Variants in LRFN5 observed in about 807,000 individuals in gnomAD.
LRFN5 encodes leucine rich repeat and fibronectin type III domain containing 5.
A neutral mutation model predicts 45.6 loss-of-function variants in LRFN5; 24 were observed. The ratio of observed to expected loss-of-function variants is 0.53; its 90% CI spans 0.38 to 0.74. LRFN5 has a LOEUF of 0.74. Among genes scored for constraint, LRFN5 ranks in the 30% least tolerant of loss-of-function variants. The pLI, the probability that LRFN5 is intolerant of heterozygous loss-of-function variation, is 0.00. For missense variants in LRFN5, 776 were observed against 861.5 expected, an observed-to-expected ratio of 0.90 and a Z score of 1.24; for synonymous variants, 340 against 313.8, an observed-to-expected ratio of 1.08 and a Z score of -0.88.
At chr14:41,820,714 A>T (rs1888084509) in intron 2 of LRFN5, among the ~76,000 whole-genome samples, 1 of 151,898 alleles carries the variant, frequency 6.6e-6, no homozygotes, top group Admixed American at 6.6e-5. Flanking sequence ...TGGTTAGCAT[A>T]TTCATCTTAA....
chr14:41,893,057 C>A, intron 4 of LRFN5: 1 of 982,026 alleles, frequency 1.0e-6, no homozygotes, highest in Non-Finnish European at 1.2e-6. Context: ...GCTCATTAAG[C>A]AGATAGTGGA....
At chr14:41,741,603 T>A (rs1884695073) in intron 1 of LRFN5, among the ~76,000 whole-genome samples, 1 of 150,974 alleles carries the variant, frequency 6.6e-6, no homozygotes. Context: ...TAGAAGAAAA[T>A]GTAGGGTAAA....
intron 1 of LRFN5, among the ~76,000 whole-genome samples, chr14:41,684,585 T>C (rs1287323548): frequency 6.6e-6 from 1 of 152,166 alleles, no homozygotes; most frequent in Non-Finnish European, 1.5e-5. Flanking sequence ...GTGGGGATTA[T>C]GGGGATTACA....
At chr14:41,673,567 A>G (rs1378239800) in intron 1 of LRFN5, among the ~76,000 whole-genome samples, 200 of 109,744 alleles carry the variant, frequency 1.8e-3, no homozygotes, top group Middle Eastern at 7.2e-3. Flanking sequence ...CTGGCCGGGC[A>G]GGGGGTGACC....
chr14:41,711,649 T>C (rs1223595530), intron 1 of LRFN5, among the ~76,000 whole-genome samples: 1 of 152,198 alleles, frequency 6.6e-6, no homozygotes, highest in Admixed American at 6.5e-5. Flanking sequence ...AATGGATAGC[T>C]TGCAGAAGCA....
At chr14:41,649,559 A>G (rs886456719) in intron 1 of LRFN5, among the ~76,000 whole-genome samples, 1 of 152,116 alleles carries the variant, frequency 6.6e-6, no homozygotes, top group Non-Finnish European at 1.5e-5. Flanking sequence ...TGTGCACTTC[A>G]TTATAAAATC....
At chr14:41,692,683 G>T (rs1882432739) in intron 1 of LRFN5, among the ~76,000 whole-genome samples, 2 of 152,016 alleles carry the variant, frequency 1.3e-5, no homozygotes, top group Non-Finnish European at 2.9e-5. Context: ...TTTTGTCCTT[G>T]CGATAATTTG....
chr14:41,711,103 C>G (rs1883264883), intron 1 of LRFN5, among the ~76,000 whole-genome samples: 1 of 152,032 alleles, frequency 6.6e-6, no homozygotes, highest in South Asian at 2.1e-4. Flanking sequence ...ATGAGTTTCT[C>G]TCTGTCAAGA....
intron 2 of LRFN5, among the ~76,000 whole-genome samples, chr14:41,822,246 T>G (rs1476659457): frequency 2.0e-5 from 3 of 152,038 alleles, no homozygotes; most frequent in Non-Finnish European, 4.4e-5. Flanking sequence ...AGGTGTAATG[T>G]GAACTTGTTG....
chr14:41,878,958 T>C (rs1433274105), intron 2 of LRFN5, among the ~76,000 whole-genome samples: 1 of 152,114 alleles, frequency 6.6e-6, no homozygotes, highest in African/African-American at 2.4e-5. Context: ...CCTCGTATTT[T>C]TAAATAAACT....
chr14:41,887,858 T>C lies in LRFN5; in HGVS notation c.1233T>C (p.Asn411=). 5 of 1,614,050 alleles carry C rather than the reference T, an allele frequency of 3.1e-6. No homozygotes were observed. Among genetic ancestry groups the C allele is most frequent in the Non-Finnish European group, 4.2e-6 (5 of 1,179,998 alleles). The change falls in exon 3 of 6, where the codon AAT becomes AAC. Residue 411 remains asparagine (N), a synonymous_variant. Transcript: ENST00000298119. This position sits in a 1 kb window ranked among gnomAD's most constrained non-coding sequence, Gnocchi z 4.8. ...TKSGSNTSSS[N]GDTKLSQDKI... is the part of the protein sequence containing the mutation. ...CAGGTTCTAATACAAGCAGTAGTAA[T>C]GGTGATACTAAATTGAGTCAAGATA...
intron 2 of LRFN5, among the ~76,000 whole-genome samples, chr14:41,784,992 A>G (rs902523204): frequency 7.2e-5 from 11 of 152,138 alleles, no homozygotes; most frequent in Non-Finnish European, 1.0e-4. Context: ...AGACACTGAC[A>G]TATTGATAAT....
At chr14:41,817,358 CATG>C (rs1219933366) in intron 2 of LRFN5, among the ~76,000 whole-genome samples, 1 of 151,910 alleles carries the variant, frequency 6.6e-6, no homozygotes, top group African/African-American at 2.4e-5. Flanking sequence ...GATAACTGGA[CATG>C]ATGTGCTAGG....
chr14:41,885,888 C>T (rs369431460), intron 2 of LRFN5, among the ~76,000 whole-genome samples: 3 of 151,714 alleles, frequency 2.0e-5, no homozygotes, highest in South Asian at 4.2e-4. Context: ...TGGTGTTGGG[C>T]GCCTGTAATC....
intron 2 of LRFN5, among the ~76,000 whole-genome samples, chr14:41,876,168 A>C (rs762192409): frequency 6.6e-6 from 1 of 152,178 alleles, no homozygotes; most frequent in Non-Finnish European, 1.5e-5. Context: ...TACCCAGAGA[A>C]GAATGCGTAA....
chr14:41,752,779 A>G (rs1020333976), intron 1 of LRFN5, among the ~76,000 whole-genome samples: 7 of 152,026 alleles, frequency 4.6e-5, no homozygotes, highest in Non-Finnish European at 7.4e-5. Flanking sequence ...ATTAGATCCC[A>G]TTTGTCAATT....
At chr14:41,640,249 G>T (rs959790141) in intron 1 of LRFN5, among the ~76,000 whole-genome samples, 1 of 152,018 alleles carries the variant, frequency 6.6e-6, no homozygotes, top group African/African-American at 2.4e-5. Context: ...TATAGGCTGA[G>T]GTAGATTGGA....
intron 2 of LRFN5, among the ~76,000 whole-genome samples, chr14:41,808,880 A>G (rs185125736): frequency 6.6e-6 from 1 of 152,190 alleles, no homozygotes; most frequent in East Asian, 1.9e-4. Context: ...ACGACCCTGC[A>G]TTGTGCATTT....
chr14:41,845,219 A>T (rs1177482526), intron 2 of LRFN5, among the ~76,000 whole-genome samples: 1 of 152,142 alleles, frequency 6.6e-6, no homozygotes, highest in African/African-American at 2.4e-5. Context: ...TATATAAAAT[A>T]TTTTGAAATA....
Sources: gnomAD v4.1 joint callset for allele counts (sites outside exome capture counted in the v4.1 genomes callset) on GRCh38, gnomAD v4.1.1 for gene constraint, Gnocchi (gnomAD v3.1) non-coding constraint, MANE v1.5 for transcripts, NCBI Gene and HGNC (gene_info 2026-07-23, HGNC 2026-07-21) for gene names.